ZBTB44: variants seen among roughly 807,000 people sequenced by gnomAD.
ZBTB44 encodes zinc finger and BTB domain containing 44, also known as zinc finger and BTB domain-containing protein 44.
Under a neutral mutation model 54.0 loss-of-function variants are expected in ZBTB44, and 15 were observed. The ratio of observed to expected loss-of-function variants is 0.28; its 90% CI spans 0.19 to 0.43. The LOEUF is 0.43. Ranked by LOEUF, ZBTB44 falls within the 20% of genes least tolerant of loss-of-function variation. ZBTB44 has a pLI of 1.00. For missense variants in ZBTB44, 487 were observed against 707.1 expected (o/e 0.69, Z 3.53); for synonymous variants, 230 against 250.1 (o/e 0.92, Z 0.76).
At chr11:130,279,992 C>G (rs1319900034) in intron 1 of ZBTB44, among the ~76,000 whole-genome samples, 1 of 152,188 alleles carries the variant, frequency 6.6e-6, no homozygotes, top group Non-Finnish European at 1.5e-5. Flanking sequence ...AATCCCTGCT[C>G]TAGGAGCTGA....
chr11:130,227,876 C>A lies in ZBTB44; in HGVS notation c.*3888G>T, dbSNP rs1953746745. 6.6e-6 allele frequency: 1 copy of A among 152,084 alleles called. No individual in the cohort carries two copies. The highest frequency in any genetic ancestry group is 1.5e-5 in the Non-Finnish European group (1 of 68,016). The allele number at this position is 152,084 out of a possible 1,614,324, so 9.4% of individuals were successfully genotyped here. On this transcript the variant is annotated 3_prime_UTR_variant, in exon 8 of 8. Transcript: ENST00000357899. The stretch of plus-strand genomic sequence containing the variant: ...ACCTCAGTCTGACTTTCTCATTATG[C>A]TTCTCTGGAAAGACACTTCTAAATC...
chr11:130,239,516 C>T, intron 3 of ZBTB44: 1 of 262,140 alleles, frequency 3.8e-6, no homozygotes, highest in South Asian at 4.4e-5. Context: ...TCCAGTAATA[C>T]TTGATTTACA....
intron 1 of ZBTB44, among the ~76,000 whole-genome samples, chr11:130,286,038 A>T (rs1004795592): frequency 1.3e-5 from 2 of 152,262 alleles, no homozygotes; most frequent in Non-Finnish European, 2.9e-5. Context: ...CAAAGCAGTA[A>T]ATCAACTATC....
At chr11:130,298,468 T>TG (rs1237791883) in intron 1 of ZBTB44, among the ~76,000 whole-genome samples, 2 of 148,914 alleles carry the variant, frequency 1.3e-5, no homozygotes, top group African/African-American at 2.5e-5. Context: ...TTTTTTTTTT[T>TG]TTTTTTTTTT....
In ZBTB44 at chr11:130,236,282, A is replaced by C. The variant is rs142214968; in HGVS notation, c.1568+511T>G. On this transcript the variant is annotated intron_variant, in intron 5 of 7. Coordinates refer to ENST00000357899, the MANE Select transcript of ZBTB44 (RefSeq NM_001301098.2). ...CAAGAATAGAGCTCTAAACTGAATG[A>C]AAATAGCAATGACTTCATGATCTAA... 47 of 1,257,862 alleles carry C rather than the reference A, an allele frequency of 3.7e-5. No homozygotes were observed. In the African/African-American group the frequency reaches 6.0e-4, roughly 16 times the overall value. 77.9% of individuals were successfully genotyped at this position (1,257,862 alleles called of 1,614,324 possible).
intron 1 of ZBTB44, among the ~76,000 whole-genome samples, chr11:130,302,601 C>G (rs560870717): frequency 1.1e-4 from 16 of 152,204 alleles, no homozygotes; most frequent in African/African-American, 3.9e-4. Context: ...AAAAGTAAAA[C>G]CCAGGAAAAA....
intron 3 of ZBTB44, 68 bp downstream of exon 3, chr11:130,239,744 G>T: frequency 7.8e-7 from 1 of 1,283,136 alleles, no homozygotes; most frequent in Non-Finnish European, 1.1e-6. Context: ...CTCTTGAGAT[G>T]AAATGCTTGA....
At chr11:130,293,093 C>T (rs1941402465) in intron 1 of ZBTB44, among the ~76,000 whole-genome samples, 1 of 152,020 alleles carries the variant, frequency 6.6e-6, no homozygotes, top group African/African-American at 2.4e-5. Context: ...TTATTTCACA[C>T]TAGTTTACTT....
intron 1 of ZBTB44, among the ~76,000 whole-genome samples, chr11:130,312,753 C>G (rs1165795969): frequency 2.0e-5 from 3 of 152,210 alleles, no homozygotes; most frequent in African/African-American, 7.2e-5. Context: ...CTGACTACAA[C>G]TGGGGGCAGA....
intron 1 of ZBTB44, among the ~76,000 whole-genome samples, chr11:130,278,960 C>G (rs1042076426): frequency 2.2e-4 from 34 of 151,992 alleles, no homozygotes; most frequent in Non-Finnish European, 4.4e-5. Flanking sequence ...TGCTTTTTTT[C>G]TGGTGCATGA....
In ZBTB44 at chr11:130,261,441, G is replaced by T. The variant is rs746872652; in HGVS notation, c.433C>A (p.Gln145Lys). Residue 145 changes from glutamine to lysine, a missense_variant, in exon 2 of 8, where the codon CAA becomes AAA. By Grantham distance (53) the Gln-to-Lys change is moderately conservative (BLOSUM62 1). This residue lies in a region of ZBTB44 where 277 missense variants were observed against 306.5 expected (regional missense o/e 0.90). Coordinates refer to ENST00000357899, the MANE Select transcript of ZBTB44 (RefSeq NM_001301098.2). The surrounding 1 kb of genome is among the most constrained non-coding windows in gnomAD (Gnocchi z 4.8). ...SQPEKGLDAG[Q>K]ENNSNCNFTS... ...AAATTGCAGTTAGAATTATTTTCTTGTCCAGCATCTAGACCCTTTTCAGGT... is the reference window on the plus strand; with the variant it reads ...AAATTGCAGTTAGAATTATTTTCTTTTCCAGCATCTAGACCCTTTTCAGGT... The T allele has an allele frequency of 1.9e-6, 3 of 1,613,974 alleles. No individual in the cohort carries two copies. The highest frequency in any genetic ancestry group is 2.2e-5 in the South Asian group (2 of 91,080).
At chr11:130,236,050 A>C (rs1954094307) in intron 5 of ZBTB44, 5 of 1,118,604 alleles carry the variant, frequency 4.5e-6, no homozygotes, top group Non-Finnish European at 5.6e-6. Context: ...TCTTATAAAC[A>C]ATTTAAAACA....
chr11:130,267,911 A>T (rs111775007), intron 1 of ZBTB44, among the ~76,000 whole-genome samples: 1,959 of 151,924 alleles, frequency 0.013, 47 homozygotes, highest in African/African-American at 0.045. Context: ...GTTTCTACCA[A>T]AAATACAAAA....
In ZBTB44 at chr11:130,302,650, T is replaced by C. The variant is rs557931154; in HGVS notation, c.-57+11725A>G. 4.6e-5 allele frequency among the ~76,000 whole-genome samples: 7 copies of C among 152,156 alleles called. No homozygotes were observed. The East Asian group carries it at 1.4e-3, about 29-fold the overall frequency. ...AAAAGCTGTAAGTAGAAGAAACACA[T>C]ACACACAACAGTAACCACCACCAGT... On this transcript the variant is annotated intron_variant, in intron 1 of 7. Coordinates refer to ENST00000357899, the MANE Select transcript of ZBTB44 (RefSeq NM_001301098.2).
rs941208771 is a variant in ZBTB44, at chr11:130,227,760, T to A, written c.*4004A>T. 3 of 152,232 alleles carry A rather than the reference T, an allele frequency of 2.0e-5. No homozygotes were observed. The highest frequency in any genetic ancestry group is 4.4e-5 in the Non-Finnish European group (3 of 68,036). 9.4% of individuals were successfully genotyped at this position (152,232 alleles called of 1,614,324 possible). On this transcript the variant is annotated 3_prime_UTR_variant, in exon 8 of 8. Coordinates refer to ENST00000357899, the MANE Select transcript of ZBTB44 (RefSeq NM_001301098.2). The stretch of plus-strand genomic sequence containing the variant: ...CATTACAGAAAAACAAAATTTTATT[T>A]AAAAAATTGTTACATCAAAATTTTT...
chr11:130,276,487 T>C (rs1265116045), intron 1 of ZBTB44, among the ~76,000 whole-genome samples: 1 of 150,858 alleles, frequency 6.6e-6, no homozygotes, highest in Non-Finnish European at 1.5e-5. Flanking sequence ...CAGGCTGGAG[T>C]GCAGTGGCAT....
At chr11:130,267,777 G>A (rs965384814) in intron 1 of ZBTB44, among the ~76,000 whole-genome samples, 4 of 152,026 alleles carry the variant, frequency 2.6e-5, no homozygotes, top group Admixed American at 6.6e-5. Flanking sequence ...AGAAATCCTC[G>A]TGAAGGCCGG....
chr11:130,248,246 C>A (rs779599688), intron 2 of ZBTB44, among the ~76,000 whole-genome samples: 1 of 152,100 alleles, frequency 6.6e-6, no homozygotes, highest in Non-Finnish European at 1.5e-5. Flanking sequence ...CCTTCAATAC[C>A]GCAAGGAATT....
intron 1 of ZBTB44, chr11:130,295,520 A>G (rs1168285793): frequency 2.8e-6 from 2 of 707,000 alleles, no homozygotes; most frequent in Non-Finnish European, 5.2e-6. Context: ...GAAGCCAGAT[A>G]ATGATGAAGA....
Sources: gnomAD v4.1 joint callset for allele counts (sites outside exome capture counted in the v4.1 genomes callset) on GRCh38, gnomAD v4.1.1 for gene constraint, gnomAD v4.1.1 regional missense constraint, Gnocchi (gnomAD v3.1) non-coding constraint, MANE v1.5 for transcripts, NCBI Gene and HGNC (gene_info 2026-07-23, HGNC 2026-07-21) for gene names.